EXOSC2: variants seen among roughly 807,000 people sequenced by gnomAD.
EXOSC2 encodes exosome component 2.
In EXOSC2, 29 loss-of-function variants were observed where a neutral mutation model predicts 37.6. The observed-to-expected ratio is 0.77, with a 90% CI of 0.57 to 1.05. The LOEUF (loss-of-function observed/expected upper bound fraction) is 1.05. EXOSC2 is among the 50% of genes least tolerant of loss of function. The pLI, the probability that EXOSC2 is intolerant of heterozygous loss-of-function variation, is 0.00. For missense variants in EXOSC2, 346 were observed against 365.6 expected (o/e 0.95, Z 0.44); for synonymous variants, 119 against 131.1 (o/e 0.91, Z 0.63).
At chr9:130,699,453 C>T (rs1439325112) in intron 5 of EXOSC2, 59 bp downstream of exon 5, 8 of 1,491,292 alleles carry the variant, frequency 5.4e-6, no homozygotes, top group Non-Finnish European at 6.6e-6. Flanking sequence ...GGGAAATGGG[C>T]CTTCCATTGT....
chr9:130,703,874 C>G lies in EXOSC2; in HGVS notation c.*100C>G. ...TCAGCAAAGACTCGAGAGATCATCC[C>G]TTTGTCTGCATTGACGGCCCTGTGA... On this transcript the variant is annotated 3_prime_UTR_variant, in exon 9 of 9. Transcript: ENST00000372358. 1 of 981,690 alleles carries G rather than the reference C, an allele frequency of 1.0e-6. No homozygotes were observed. The highest frequency in any genetic ancestry group is 1.7e-5 in the South Asian group (1 of 57,598). The allele number at this position is 981,690 out of a possible 1,614,324, so 60.8% of individuals were successfully genotyped here.
At chr9:130,702,344 G>A (rs1273065035) in intron 7 of EXOSC2, 34 bp downstream of exon 7, 2 of 1,579,638 alleles carry the variant, frequency 1.3e-6, no homozygotes, top group Admixed American at 1.7e-5. Context: ...TCAGTGGGAT[G>A]GAGGGGGCTC....
Position 130,697,593 on chromosome 9 carries a change from A to C in EXOSC2, c.236A>C (p.Glu79Ala), listed in dbSNP as rs1237534121. ...VKALKTRYIG[E>A]VGDIVVGRIT... is the part of the protein sequence containing the mutation. ...GTTTTGTCTTTCAGATACATTGGTG[A>C]AGTAGGAGACATCGTAGTGGGACGA... is the stretch of plus-strand genomic sequence containing the variant. The change falls in exon 3 of 9, where the codon GAA becomes GCA. Residue 79 changes from glutamate (E) to alanine (A), a missense_variant. Glu to Ala is a moderately radical substitution (Grantham distance 107). Coordinates refer to ENST00000372358, the MANE Select transcript of EXOSC2 (RefSeq NM_014285.7). The C allele has an allele frequency of 2.5e-6, 4 of 1,614,106 alleles. No individual in the cohort carries two copies. The highest frequency in any genetic ancestry group is 3.4e-6 in the Non-Finnish European group (4 of 1,179,968).
chr9:130,698,057 G>C lies in EXOSC2; in HGVS notation c.271-105G>C. ...GATCCACCAGCTTCGGCCTCCCAAA[G>C]TGCTGGGATTACAGGCGTGAGCCAC... is the stretch of plus-strand genomic sequence containing the variant. On this transcript the variant is annotated intron_variant, in intron 3 of 8. Coordinates refer to ENST00000372358, the MANE Select transcript of EXOSC2 (RefSeq NM_014285.7). This position sits in a 1 kb window ranked among gnomAD's most constrained non-coding sequence, Gnocchi z 4.1. 1 of 1,059,528 alleles carries C rather than the reference G, an allele frequency of 9.4e-7. No individual in the cohort carries two copies. Among genetic ancestry groups the C allele is most frequent in the Non-Finnish European group, 1.4e-6 (1 of 691,636 alleles). The allele number at this position is 1,059,528 out of a possible 1,614,324, so 65.6% of individuals were successfully genotyped here. A position where few individuals can be genotyped will look rare whatever the true frequency, so the allele number is the denominator to read the frequency against.
intron 6 of EXOSC2, chr9:130,701,831 C>T: frequency 8.9e-7 from 1 of 1,123,848 alleles, no homozygotes; most frequent in Non-Finnish European, 1.1e-6. Context: ...AGCTCACTTC[C>T]TCATTGGCTT....
intron 8 of EXOSC2, among the ~76,000 whole-genome samples, chr9:130,703,397 G>A (rs568213104): frequency 5.9e-5 from 9 of 152,346 alleles, no homozygotes; most frequent in Non-Finnish European, 8.8e-5. Context: ...GGCAGGAGGT[G>A]TCAGGTGGGA....
chr9:130,697,764 A>T, intron 3 of EXOSC2, 137 bp downstream of exon 3: 2 of 787,350 alleles, frequency 2.5e-6, no homozygotes, highest in Admixed American at 2.1e-5. Context: ...TGATGTAAAT[A>T]TGTGGCTTGT....
intron 2 of EXOSC2, 42 bp downstream of exon 2, chr9:130,695,635 G>A (rs1043773952): frequency 5.1e-6 from 8 of 1,580,654 alleles, no homozygotes; most frequent in Non-Finnish European, 6.1e-6. Context: ...GCAGCATCAG[G>A]TTGTACAACC....
At chr9:130,702,681 AC>A (rs1406514917) in intron 7 of EXOSC2, among the ~76,000 whole-genome samples, 6 of 151,868 alleles carry the variant, frequency 4.0e-5, no homozygotes, top group Admixed American at 3.9e-4. Context: ...TGCAAGCTCC[AC>A]CTCCTGGGTT....
chr9:130,693,937 G>A, intron 1 of EXOSC2, 24 bp downstream of exon 1: 1 of 1,577,896 alleles, frequency 6.3e-7, no homozygotes, highest in Non-Finnish European at 8.7e-7. Context: ...TGGGGGAGTC[G>A]AGGCTTCAGA....
At chr9:130,703,227 C>A (rs1383982943) in intron 8 of EXOSC2, 46 bp downstream of exon 8, 3 of 1,576,540 alleles carry the variant, frequency 1.9e-6, no homozygotes, top group East Asian at 4.5e-5. Flanking sequence ...CTGTGAGCTG[C>A]TCTGTTGTTT....
At chr9:130,700,626 TG>T (rs1831195440) in intron 5 of EXOSC2, among the ~76,000 whole-genome samples, 1 of 152,130 alleles carries the variant, frequency 6.6e-6, no homozygotes, top group Admixed American at 6.6e-5. Flanking sequence ...CCCAAAGTGC[TG>T]GGATTACAGG....
rs971100552 is a variant in EXOSC2 at position 130,697,776 on chromosome 9, C to T, written c.270+149C>T. 8.9e-5 allele frequency: 64 copies of T among 718,728 alleles called. 1 individual carries two copies. The highest frequency in any genetic ancestry group is 3.0e-4 in the South Asian group (18 of 59,814). The allele number at this position is 718,728 out of a possible 1,614,324, so 44.5% of individuals were successfully genotyped here. On this transcript the variant is annotated intron_variant, in intron 3 of 8. Transcript: ENST00000372358. ...TTCTGATGTAAATATGTGGCTTGTT[C>T]GATTTCAGATTACTGGTTCATGTTT...
At chr9:130,700,808 C>T (rs2132638865) in intron 5 of EXOSC2, 59 bp from the exon 6 acceptor site, 2 of 1,528,026 alleles carry the variant, frequency 1.3e-6, no homozygotes, top group East Asian at 2.3e-5. Context: ...GGAGAGGCTG[C>T]AGAGGACAGG....
chr9:130,702,053 T>C (rs752689262), intron 6 of EXOSC2, 81 bp from the exon 7 acceptor site: 78 of 1,519,326 alleles, frequency 5.1e-5, no homozygotes, highest in Admixed American at 3.1e-4. Flanking sequence ...TTGAATATAC[T>C]TAGGATGTAT....
Position 130,699,229 on chromosome 9 carries a change from T to C in EXOSC2, c.361-100T>C, listed in dbSNP as rs1167082748. 4.9e-5 allele frequency: 58 copies of C among 1,174,136 alleles called. No homozygotes were observed. In the South Asian group the frequency reaches 6.9e-4, roughly 14 times the overall value. 72.7% of individuals were successfully genotyped at this position (1,174,136 alleles called of 1,614,324 possible). A position where few individuals can be genotyped will look rare whatever the true frequency, so the allele number is the denominator to read the frequency against. On this transcript the variant is annotated intron_variant, in intron 4 of 8. Coordinates refer to ENST00000372358, the MANE Select transcript of EXOSC2 (RefSeq NM_014285.7). ...GCTATAGTTCTCAGTGCTTGAATATTGTGGTTGGCCTCAAACATCTCAAAA... is the reference window on the plus strand; with the variant it reads ...GCTATAGTTCTCAGTGCTTGAATATCGTGGTTGGCCTCAAACATCTCAAAA...
rs1188150513 is a variant in EXOSC2 at position 130,695,081 on chromosome 9, A to AT, written c.123-410dup. Among the ~76,000 whole-genome samples, 6 of 152,316 alleles carry AT rather than the reference A, an allele frequency of 3.9e-5. 1 individual carries two copies. The highest frequency in any genetic ancestry group is 1.4e-4 in the African/African-American group (6 of 41,560). ...ATATATTTTGTGCAGTTGGGTTATT[A>AT]TGGCAGAGTGAAAAATCTCTGTCCT... On this transcript the variant is annotated intron_variant, in intron 1 of 8. Transcript: ENST00000372358.
chr9:130,695,449 A>C, intron 1 of EXOSC2, 43 bp from the exon 2 acceptor site: 2 of 1,543,952 alleles, frequency 1.3e-6, no homozygotes, highest in African/African-American at 1.4e-5. Context: ...AGTCATTTCG[A>C]GTTACCCTCG....
In EXOSC2 at chr9:130,693,898, A is replaced by T. The variant is rs1346155165; in HGVS notation, c.107A>T (p.Asp36Val). 6 of 1,610,316 alleles carry T rather than the reference A, an allele frequency of 3.7e-6. No individual in the cohort carries two copies. In the Admixed American group the frequency reaches 1.0e-4, roughly 27 times the overall value. Residue 36 changes from aspartate to valine, a missense_variant, in exon 1 of 9, where the codon GAC (aspartate) becomes GTC (valine). Asp to Val is a radical substitution (Grantham distance 152, BLOSUM62 -3). Transcript: ENST00000372358. ...LVVPGDTITT[D>V]TGFMRGHGTY... ...GTGCCGGGGGATACAATCACTACGG[A>T]CACAGGATTCATGCGGTACGTGGGG...
Sources: gnomAD v4.1 joint callset for allele counts (sites outside exome capture counted in the v4.1 genomes callset) on GRCh38, gnomAD v4.1.1 for gene constraint, Gnocchi (gnomAD v3.1) non-coding constraint, MANE v1.5 for transcripts, NCBI Gene and HGNC (gene_info 2026-07-23, HGNC 2026-07-21) for gene names.